Variants in DLGAP1 observed in about 807,000 individuals in gnomAD.
The protein encoded by DLGAP1 is disks large-associated protein 1.
A neutral mutation model predicts 90.8 loss-of-function variants in DLGAP1; 11 were observed. The ratio of observed to expected loss-of-function variants is 0.12; its 90% confidence interval spans 0.08 to 0.20. The LOEUF is 0.20. Among genes scored for constraint, DLGAP1 ranks in the 10% least tolerant of loss-of-function variants. DLGAP1 has a pLI of 1.00. For missense variants in DLGAP1, 1,050 were observed against 1,333.8 expected, an observed-to-expected ratio of 0.79 and a Z score of 3.31; for synonymous variants, 558 against 540.7, an observed-to-expected ratio of 1.03 and a Z score of -0.44.
intron 1 of DLGAP1, among the ~76,000 whole-genome samples, chr18:4,322,943 G>GAAAAAAAA: frequency 1.0e-4 from 10 of 97,600 alleles, no homozygotes; most frequent in South Asian, 3.9e-4. Context: ...CCTGGGCACA[G>GAAAAAAAA]AAAAAAAAAA....
chr18:4,216,450 T>C (rs775853268), intron 1 of DLGAP1, among the ~76,000 whole-genome samples: 6 of 152,194 alleles, frequency 3.9e-5, no homozygotes, highest in Non-Finnish European at 8.8e-5. Context: ...TTCATGTTCA[T>C]AGTCAAATTT....
At chr18:4,157,850 A>G (rs537599808) in intron 1 of DLGAP1, among the ~76,000 whole-genome samples, 1 of 152,302 alleles carries the variant, frequency 6.6e-6, no homozygotes, top group Middle Eastern at 3.4e-3. Context: ...CCAAGACGCC[A>G]TGCTCGCCAC....
intron 1 of DLGAP1, among the ~76,000 whole-genome samples, chr18:4,185,477 C>T (rs1050492275): frequency 2.0e-5 from 3 of 151,944 alleles, no homozygotes; most frequent in African/African-American, 7.2e-5. Context: ...GTGTTTTCAT[C>T]GTTTAGCTCC....
At chr18:4,034,038 T>C (rs60681547) in intron 2 of DLGAP1, among the ~76,000 whole-genome samples, 9,226 of 63,104 alleles carry the variant, frequency 0.15, 1,058 homozygotes, top group African/African-American at 0.34. Flanking sequence ...CGCCCGGCCC[T>C]TTTTTTTTTT....
At chr18:3,947,856 C>T (rs1599202971) in intron 3 of DLGAP1, among the ~76,000 whole-genome samples, 1 of 152,240 alleles carries the variant, frequency 6.6e-6, no homozygotes, top group East Asian at 1.9e-4. Context: ...ATCAGGGCCT[C>T]AAAGGCAAAC....
intron 3 of DLGAP1, among the ~76,000 whole-genome samples, chr18:3,947,151 A>C (rs900233239): frequency 6.6e-6 from 1 of 152,248 alleles, no homozygotes; most frequent in South Asian, 2.1e-4. Context: ...GCCTACACAC[A>C]TTGGGTTGGG....
chr18:4,010,947 GAGT>G, intron 2 of DLGAP1, among the ~76,000 whole-genome samples: 1 of 151,430 alleles, frequency 6.6e-6, no homozygotes, highest in Middle Eastern at 3.4e-3. Context: ...AGGCCGAGGC[GAGT>G]AGATCACCTG....
intron 4 of DLGAP1, among the ~76,000 whole-genome samples, chr18:3,857,620 C>A (rs752956635): frequency 3.9e-5 from 6 of 152,120 alleles, no homozygotes; most frequent in Non-Finnish European, 7.4e-5. Flanking sequence ...AAATCCTCTT[C>A]GTCTCCCTTT....
chr18:4,229,286 C>T (rs539320568), intron 1 of DLGAP1, among the ~76,000 whole-genome samples: 5 of 151,926 alleles, frequency 3.3e-5, no homozygotes, highest in Non-Finnish European at 7.4e-5. Flanking sequence ...CAATCTCTAT[C>T]AAAATACTCA....
intron 3 of DLGAP1, among the ~76,000 whole-genome samples, chr18:3,966,697 GTA>G (rs2148995841): frequency 6.6e-6 from 1 of 152,350 alleles, no homozygotes; most frequent in South Asian, 2.1e-4. Context: ...CGGGACAGAA[GTA>G]GGCTTGAGGT....
rs186736008 is a variant in DLGAP1 at position 4,091,908 on chromosome 18, T to C, written c.-159+59272A>G. Among the ~76,000 whole-genome samples, 872 of 151,972 alleles carry C rather than the reference T, an allele frequency of 5.7e-3. 12 individuals carry two copies. Among genetic ancestry groups the C allele is most frequent in the African/African-American group, 0.02 (839 of 41,440 alleles). On this transcript the variant is annotated intron_variant, in intron 2 of 12. Coordinates refer to ENST00000315677, the MANE Select transcript of DLGAP1 (RefSeq NM_004746.4). Reference sequence around the variant, plus strand: ...TTGATCATGTTTTTTTTTTTCCACATGCTTTTTTGTACATCTCATAATTTT... The same window carrying C: ...TTGATCATGTTTTTTTTTTTCCACACGCTTTTTTGTACATCTCATAATTTT...
chr18:3,699,150 C>T (rs1206494759), intron 7 of DLGAP1, among the ~76,000 whole-genome samples: 1 of 152,074 alleles, frequency 6.6e-6, no homozygotes, highest in African/African-American at 2.4e-5. Flanking sequence ...TCCATCAATT[C>T]GTCAAACTCA....
intron 3 of DLGAP1, among the ~76,000 whole-genome samples, chr18:3,908,872 G>A (rs756194837): frequency 1.3e-5 from 2 of 152,104 alleles, no homozygotes; most frequent in African/African-American, 2.4e-5. Context: ...AAGAGGCAAA[G>A]GCTTGCATAT....
chr18:3,662,948 T>C (rs1567920927), intron 7 of DLGAP1, among the ~76,000 whole-genome samples: 1 of 152,130 alleles, frequency 6.6e-6, no homozygotes. Flanking sequence ...ATGGGCCCCA[T>C]CAGCAACTGA....
At chr18:4,280,515 C>T (rs994410195) in intron 1 of DLGAP1, among the ~76,000 whole-genome samples, 2 of 152,170 alleles carry the variant, frequency 1.3e-5, no homozygotes, top group African/African-American at 4.8e-5. Flanking sequence ...TAGAGAGGTG[C>T]TTAAAATGCA....
At chr18:3,654,626 G>C (rs2059420195) in intron 7 of DLGAP1, 1 of 152,152 alleles carries the variant, frequency 6.6e-6, no homozygotes, top group Admixed American at 6.6e-5. Context: ...TGCTCAAATT[G>C]CTACTGGGAG....
chr18:3,793,782 C>T (rs946371733), intron 5 of DLGAP1, among the ~76,000 whole-genome samples: 1 of 152,184 alleles, frequency 6.6e-6, no homozygotes, highest in Non-Finnish European at 1.5e-5. Flanking sequence ...CAGCTGCATG[C>T]CCCACTCTGC....
chr18:3,647,255 A>AAAAT (rs111658352), intron 7 of DLGAP1, among the ~76,000 whole-genome samples: 18,004 of 150,000 alleles, frequency 0.12, 1,937 homozygotes, highest in African/African-American at 0.28. Flanking sequence ...AATCCATCTC[A>AAAAT]AAATAAATAA....
chr18:4,264,739 T>G (rs2079070590), intron 1 of DLGAP1: 1 of 152,218 alleles, frequency 6.6e-6, no homozygotes, highest in Non-Finnish European at 1.5e-5. Context: ...CTTGGGGACC[T>G]TGAGCTGAAT....
Sources: allele counts gnomAD v4.1 joint callset (sites outside exome capture counted in the v4.1 genomes callset), GRCh38; gene constraint gnomAD v4.1.1; transcripts MANE v1.5; gene names NCBI Gene and HGNC (gene_info 2026-07-23, HGNC 2026-07-21).